ADAMTSL1: variants seen among roughly 807,000 people sequenced by gnomAD.
ADAMTSL1 encodes the protein ADAMTS-like protein 1.
ADAMTSL1 carries 126 observed loss-of-function variants against 201.8 expected under a neutral mutation model. The observed-to-expected ratio is 0.62, with a 90% CI of 0.54 to 0.72. ADAMTSL1 has a LOEUF of 0.72. ADAMTSL1 is among the 30% of genes least tolerant of loss of function. The probability of loss-of-function intolerance (pLI) is 0.00; values close to 1 mark genes in which losing one functional copy is unlikely to be tolerated. For synonymous variants in ADAMTSL1, 1,121 were observed against 903.4 expected, an observed-to-expected ratio of 1.24 and a Z score of -4.32; for missense variants, 2,679 against 2,277.8, an observed-to-expected ratio of 1.18 and a Z score of -3.59.
chr9:18,778,808 A>G (rs1821215375), intron 19 of ADAMTSL1, among the ~76,000 whole-genome samples: 1 of 152,242 alleles, frequency 6.6e-6, no homozygotes, highest in Non-Finnish European at 1.5e-5. Context: ...TGTATTTATT[A>G]TGTGGCAGAG....
intron 13 of ADAMTSL1, among the ~76,000 whole-genome samples, chr9:18,702,818 G>A (rs1016599036): frequency 3.3e-5 from 5 of 151,324 alleles, no homozygotes; most frequent in South Asian, 2.1e-4. Context: ...GCTGGAGTGC[G>A]GTGGCACGAT....
intron 14 of ADAMTSL1, among the ~76,000 whole-genome samples, chr9:18,714,279 A>G (rs1170364483): frequency 5.9e-4 from 90 of 151,432 alleles, no homozygotes; most frequent in African/African-American, 2.0e-3. Context: ...TAGAGACACA[A>G]AAAACCCTTC....
At chr9:18,242,010 A>G (rs983177266) in intron 2 of ADAMTSL1, among the ~76,000 whole-genome samples, 4 of 152,158 alleles carry the variant, frequency 2.6e-5, no homozygotes, top group Non-Finnish European at 5.9e-5. Context: ...AACACATCTT[A>G]TAAGGCCACC....
At position 18,905,475 on chromosome 9, in the gene ADAMTSL1, A is replaced by G. The variant is rs79107075; in HGVS notation, c.4852-307A>G. ...TTCTAAAGTCTACTGCCACATTCCTAGCATATTATGCCAAAATATCTTTCA... is the reference window on the plus strand; with the variant it reads ...TTCTAAAGTCTACTGCCACATTCCTGGCATATTATGCCAAAATATCTTTCA... On this transcript the variant is annotated intron_variant, in intron 26 of 28. Transcript: ENST00000380548. 1,792 of 351,264 alleles carry G rather than the reference A, an allele frequency of 5.1e-3. 27 individuals are homozygous for G. The highest frequency in any genetic ancestry group is 0.034 in the African/African-American group (1,648 of 48,212). 21.8% of individuals were successfully genotyped at this position (351,264 alleles called of 1,614,324 possible).
intron 21 of ADAMTSL1, among the ~76,000 whole-genome samples, chr9:18,821,584 TG>T (rs1291249658): frequency 3.3e-5 from 5 of 152,228 alleles, no homozygotes; most frequent in African/African-American, 4.8e-5. Context: ...AAACTGGTTT[TG>T]TGAACAGCTA....
At chr9:18,402,218 C>T (rs1264134629) in intron 2 of ADAMTSL1, among the ~76,000 whole-genome samples, 1 of 152,112 alleles carries the variant, frequency 6.6e-6, no homozygotes, top group Non-Finnish European at 1.5e-5. Context: ...ATAACCATTC[C>T]TCTTCTACAC....
intron 15 of ADAMTSL1, among the ~76,000 whole-genome samples, chr9:18,746,341 G>T (rs1392224079): frequency 6.6e-6 from 1 of 152,132 alleles, no homozygotes; most frequent in Non-Finnish European, 1.5e-5. Context: ...TCTAGAGTTG[G>T]CACACTTAGT....
intron 1 of ADAMTSL1, among the ~76,000 whole-genome samples, chr9:17,908,610 C>T (rs780622190): frequency 5.9e-5 from 9 of 152,126 alleles, no homozygotes; most frequent in Non-Finnish European, 1.2e-4. Flanking sequence ...GCATTTGCCA[C>T]GACGCCTGGC....
chr9:17,919,936 C>T (rs1018421226), intron 1 of ADAMTSL1, among the ~76,000 whole-genome samples: 2 of 152,134 alleles, frequency 1.3e-5, no homozygotes, highest in Non-Finnish European at 2.9e-5. Context: ...ACATTCCCAT[C>T]AGCAGTGTAT....
intron 21 of ADAMTSL1, among the ~76,000 whole-genome samples, chr9:18,817,669 T>C (rs1036435563): frequency 6.6e-6 from 1 of 152,154 alleles, no homozygotes; most frequent in Non-Finnish European, 1.5e-5. Flanking sequence ...AGAGCCATGC[T>C]TCCAAAAGAC....
At chr9:18,658,123 C>A (rs1407530323) in intron 8 of ADAMTSL1, among the ~76,000 whole-genome samples, 1 of 152,102 alleles carries the variant, frequency 6.6e-6, no homozygotes, top group Non-Finnish European at 1.5e-5. Flanking sequence ...TGCAGGCGCC[C>A]GCCACCACGC....
At chr9:18,448,930 C>T (rs559491558) in intron 2 of ADAMTSL1, among the ~76,000 whole-genome samples, 1 of 152,078 alleles carries the variant, frequency 6.6e-6, no homozygotes, top group South Asian at 2.1e-4. Context: ...TTATTAATAT[C>T]AAATAATAGC....
intron 2 of ADAMTSL1, among the ~76,000 whole-genome samples, chr9:18,445,471 C>T (rs1050189005): frequency 6.6e-6 from 1 of 152,112 alleles, no homozygotes; most frequent in African/African-American, 2.4e-5. Flanking sequence ...AAGAGTTCTT[C>T]AATATCCCAT....
chr9:18,697,856 T>C (rs906794644), intron 13 of ADAMTSL1, among the ~76,000 whole-genome samples: 2 of 152,216 alleles, frequency 1.3e-5, no homozygotes, highest in African/African-American at 2.4e-5. Context: ...AGTTCCATTA[T>C]GGACATTTTA....
chr9:18,454,754 A>G (rs561288322), intron 2 of ADAMTSL1, among the ~76,000 whole-genome samples: 16 of 152,320 alleles, frequency 1.1e-4, no homozygotes, highest in African/African-American at 3.4e-4. Context: ...ATGTGAATTT[A>G]AATTTTTATT....
intron 6 of ADAMTSL1, among the ~76,000 whole-genome samples, chr9:18,637,260 T>C (rs896990954): frequency 6.6e-6 from 1 of 152,140 alleles, no homozygotes; most frequent in Non-Finnish European, 1.5e-5. Context: ...GTGTGTGTAT[T>C]ATTACCACTC....
At chr9:18,050,215 T>A (rs934406171) in intron 1 of ADAMTSL1, among the ~76,000 whole-genome samples, 2 of 152,174 alleles carry the variant, frequency 1.3e-5, no homozygotes, top group African/African-American at 4.8e-5. Context: ...AAAATAAAAA[T>A]TTGGTATCTT....
At chr9:18,817,301 A>G (rs1823925448) in intron 21 of ADAMTSL1, 64 bp downstream of exon 21, 2 of 1,467,176 alleles carry the variant, frequency 1.4e-6, no homozygotes, top group Non-Finnish European at 1.8e-6. Context: ...GGGGATACAA[A>G]GACAAATTAG....
chr9:18,298,808 G>C (rs745626632), intron 2 of ADAMTSL1, among the ~76,000 whole-genome samples: 12 of 151,974 alleles, frequency 7.9e-5, no homozygotes, highest in Non-Finnish European at 1.5e-4. Flanking sequence ...CGGATCACGA[G>C]GTCAGGAGAT....
Sources: gnomAD v4.1 joint callset for allele counts (sites outside exome capture counted in the v4.1 genomes callset) on GRCh38, gnomAD v4.1.1 for gene constraint, MANE v1.5 for transcripts, NCBI Gene and HGNC (gene_info 2026-07-23, HGNC 2026-07-21) for gene names.